Variants in SMPX observed in about 807,000 individuals in gnomAD.
SMPX encodes small muscle protein X-linked, also known as small muscular protein.
Under a neutral mutation model 6.3 loss-of-function variants are expected in SMPX, and 2 were observed. The observed-to-expected ratio is 0.32, with a 90% CI of 0.13 to 0.99. SMPX has a LOEUF of 0.99. Ranked by LOEUF, SMPX falls within the 50% of genes least tolerant of loss-of-function variation. SMPX has a pLI of 0.49. For missense variants in SMPX, 60 were observed against 66.8 expected, an observed-to-expected ratio of 0.90 and a Z score of 0.36; for synonymous variants, 32 against 24.7, an observed-to-expected ratio of 1.30 and a Z score of -0.88.
At chrX:21,740,752 A>G (rs1176340702) in intron 3 of SMPX, among the ~76,000 whole-genome samples, 3 of 112,523 alleles carry the variant, frequency 2.7e-5, no homozygotes, top group Non-Finnish European at 5.6e-5. Context: ...GGGCTAAGAA[A>G]CTTGCCCCAA....
chrX:21,709,593 C>T (rs2092776367), intron 4 of SMPX, among the ~76,000 whole-genome samples: 1 of 111,917 alleles, frequency 8.9e-6, no homozygotes, highest in Non-Finnish European at 1.9e-5. Context: ...ATAGCCAAAC[C>T]CACATTCTTC....
chrX:21,706,649 C>T (rs370444637), intron 4 of SMPX, among the ~76,000 whole-genome samples: 2 of 111,217 alleles, frequency 1.8e-5, no homozygotes, highest in East Asian at 5.6e-4. Flanking sequence ...TGATGCTGTA[C>T]AATAGATCCG....
At chrX:21,708,748 C>T (rs1275669575) in intron 4 of SMPX, among the ~76,000 whole-genome samples, 1 of 112,396 alleles carries the variant, frequency 8.9e-6, no homozygotes, top group Non-Finnish European at 1.9e-5. Flanking sequence ...ATCAAAAGAA[C>T]ACAATATGAG....
chrX:21,716,596 A>C (rs1210230720), intron 4 of SMPX, among the ~76,000 whole-genome samples: 1 of 112,562 alleles, frequency 8.9e-6, no homozygotes, highest in Admixed American at 9.4e-5. Flanking sequence ...ACTATTATTC[A>C]GGGACAAAGA....
At position 21,707,947 on chromosome X, in the gene SMPX, A is replaced by G. The variant is rs142431790; in HGVS notation, c.*15-1553T>C. Among the ~76,000 whole-genome samples the G allele has an allele frequency of 3.6e-3, 404 of 112,645 alleles. 2 individuals carry two copies. Among genetic ancestry groups the G allele is most frequent in the African/African-American group, 0.012 (383 of 31,025 alleles). ...AACACATGAGTTAGAATAAGAAATGATCTTGTTTTAAACATTGAATTTGGG... is the reference window on the plus strand; with the variant it reads ...AACACATGAGTTAGAATAAGAAATGGTCTTGTTTTAAACATTGAATTTGGG... On this transcript the variant is annotated intron_variant, in intron 4 of 4. Coordinates refer to ENST00000379494, the MANE Select transcript of SMPX (RefSeq NM_014332.3).
At position 21,758,047 on chromosome X, in the gene SMPX, G is replaced by T. The variant is rs1209440575; in HGVS notation, c.-118C>A. The stretch of plus-strand genomic sequence containing the variant: ...AGGGGCGCCCGGTGTCCTCTGAGCT[G>T]CGATCTCAATTCCGATGCTTTTCAT... On this transcript the variant is annotated 5_prime_UTR_variant, in exon 1 of 5. Transcript: ENST00000379494. 1 of 327,762 alleles carries T rather than the reference G, an allele frequency of 3.1e-6. No homozygotes were observed. The highest frequency in any genetic ancestry group is 2.7e-5 in the African/African-American group (1 of 37,608). 27.0% of individuals were successfully genotyped at this position (327,762 alleles called of 1,213,427 possible). A position where few individuals can be genotyped will look rare whatever the true frequency, so the allele number is the denominator to read the frequency against.
intron 2 of SMPX, among the ~76,000 whole-genome samples, chrX:21,753,299 C>A (rs1238349525): frequency 5.4e-5 from 6 of 111,854 alleles, no homozygotes; most frequent in Non-Finnish European, 3.8e-5. Context: ...TGTCCCTCCA[C>A]CTACCTCCAC....
At chrX:21,711,065 G>A (rs372741762) in intron 4 of SMPX, among the ~76,000 whole-genome samples, 2 of 111,593 alleles carry the variant, frequency 1.8e-5, no homozygotes, top group Non-Finnish European at 3.8e-5. Flanking sequence ...GATGGATAAC[G>A]TCAGATATAG....
intron 4 of SMPX, among the ~76,000 whole-genome samples, chrX:21,717,532 A>G (rs2147374557): frequency 1.8e-5 from 2 of 112,710 alleles, no homozygotes; most frequent in South Asian, 7.3e-4. Flanking sequence ...AATATGCTTA[A>G]ATGGTCTTAA....
intron 4 of SMPX, chrX:21,727,499 TG>T (rs1383817702): frequency 5.4e-5 from 6 of 111,941 alleles, no homozygotes; most frequent in Non-Finnish European, 1.1e-4. Context: ...TCTTCTAGGG[TG>T]GAAGGAAGTG....
chrX:21,748,521 G>T (rs1240250150), intron 2 of SMPX, among the ~76,000 whole-genome samples: 1 of 111,657 alleles, frequency 9.0e-6, no homozygotes, highest in Non-Finnish European at 1.9e-5. Context: ...TAAAAAAAAT[G>T]ACATCTTTTT....
At chrX:21,732,304 C>A (rs2092805874) in intron 4 of SMPX, among the ~76,000 whole-genome samples, 1 of 112,271 alleles carries the variant, frequency 8.9e-6, no homozygotes, top group African/African-American at 3.2e-5. Flanking sequence ...ACACGTCTTT[C>A]TCCTCTTTTG....
At chrX:21,751,472 T>G (rs941068024) in intron 2 of SMPX, among the ~76,000 whole-genome samples, 3 of 112,127 alleles carry the variant, frequency 2.7e-5, no homozygotes, top group Non-Finnish European at 5.6e-5. Context: ...ACCTTCATAG[T>G]AATCCTATGA....
intron 3 of SMPX, among the ~76,000 whole-genome samples, chrX:21,742,099 A>AT (rs2092816672): frequency 8.9e-6 from 1 of 112,181 alleles, no homozygotes; most frequent in Non-Finnish European, 1.9e-5. Flanking sequence ...AGCCTCCAAA[A>AT]CAGCTGTTAC....
At position 21,737,644 on chromosome X, in the gene SMPX, T is replaced by G. The variant is rs756355143; in HGVS notation, c.186A>C (p.Lys62Asn). The change falls in exon 4 of 5, where the codon AAA becomes AAC. Residue 62 changes from lysine to asparagine, a missense_variant. Physicochemically the swap from Lys to Asn is moderately conservative, Grantham distance 94. Transcript: ENST00000379494. ...ATAGATTGACTGCAGGTCCTGGAAG[T>G]TTCTTCGCTCCTGGAATTGGCTTCT... ...EEKKPIPGAK[K>N]LPGPAVNLSE... is the part of the protein sequence containing the mutation. 1.7e-6 allele frequency: 2 copies of G among 1,208,619 alleles called. No individual in the cohort carries two copies. Among genetic ancestry groups the G allele is most frequent in the South Asian group, 3.5e-5 (2 of 56,936 alleles).
chrX:21,755,935 GAT>G (rs1298770544), intron 1 of SMPX, among the ~76,000 whole-genome samples: 10 of 112,281 alleles, frequency 8.9e-5, no homozygotes. Flanking sequence ...TTTTCTCTGT[GAT>G]ATGTTTCAAA....
chrX:21,749,033 C>T (rs1372287317), intron 2 of SMPX, among the ~76,000 whole-genome samples: 1 of 111,652 alleles, frequency 9.0e-6, no homozygotes, highest in Non-Finnish European at 1.9e-5. Flanking sequence ...CCACATTGTG[C>T]CCTAGATAAT....
intron 2 of SMPX, among the ~76,000 whole-genome samples, chrX:21,753,496 C>T (rs2092829608): frequency 9.0e-6 from 1 of 111,644 alleles, no homozygotes; most frequent in South Asian, 3.9e-4. Flanking sequence ...AAAAAAGTCC[C>T]TTTGGAGAAA....
intron 4 of SMPX, among the ~76,000 whole-genome samples, chrX:21,719,345 C>T (rs1341625192): frequency 1.8e-5 from 2 of 110,350 alleles, no homozygotes; most frequent in African/African-American, 6.6e-5. Flanking sequence ...ATGGTGAAAC[C>T]CCATCTCTAC....
Sources: gnomAD v4.1 joint callset for allele counts (sites outside exome capture counted in the v4.1 genomes callset) on GRCh38, gnomAD v4.1.1 for gene constraint, MANE v1.5 for transcripts, NCBI Gene and HGNC (gene_info 2026-07-23, HGNC 2026-07-21) for gene names.